KCNQ1OT1: variants seen among roughly 807,000 people sequenced by gnomAD.
The protein encoded by KCNQ1OT1 is KCNQ1 opposite strand/antisense transcript 1, also known as KCNQ1 antisense RNA 2 (non-protein coding).
chr11:2,656,977 AG>A, exon 1 of KCNQ1OT1: 1 of 398,620 alleles, frequency 2.5e-6, no homozygotes, highest in Non-Finnish European at 4.4e-6. Context: ...TTGATTGAAA[AG>A]TCCATGCTCT....
In KCNQ1OT1 at chr11:2,623,782, T is replaced by C. The variant is rs897412502; in HGVS notation, n.76213A>G. The C allele has an allele frequency of 7.5e-6, 3 of 398,456 alleles. No individual in the cohort carries two copies. The highest frequency in any genetic ancestry group is 6.2e-5 in the African/African-American group (3 of 48,634). 24.7% of individuals were successfully genotyped at this position (398,456 alleles called of 1,614,324 possible). ...TAAGTCTTCACCTCCTTTGAGTAAA[T>C]ACCAAGGATGTGATTGCTGAACTGC... On this transcript the variant is annotated non_coding_transcript_exon_variant, in exon 1 of 1. Coordinates refer to ENST00000597346, the Ensembl canonical transcript of KCNQ1OT1. This position sits in a 1 kb window ranked among gnomAD's most constrained non-coding sequence, Gnocchi z 5.2.
chr11:2,648,975 CTTTT>C lies in KCNQ1OT1; in HGVS notation n.51016_51019del, dbSNP rs1849710100. On this transcript the variant is annotated non_coding_transcript_exon_variant, in exon 1 of 1. Coordinates refer to ENST00000597346, the Ensembl canonical transcript of KCNQ1OT1. ...TAATGACCTCCTTTGTCTCTTTTTT[CTTTT>C]TCTTTTTTTTTTTTTTTTTTTTTTT... The C allele has an allele frequency of 1.0e-4, 34 of 337,226 alleles. No individual in the cohort carries two copies. The South Asian group carries it at 4.3e-3, about 42-fold the overall frequency. The allele number at this position is 337,226 out of a possible 1,614,324, so 20.9% of individuals were successfully genotyped here.
chr11:2,620,989 G>A lies in KCNQ1OT1; in HGVS notation n.79006C>T. 2.6e-6 allele frequency: 1 copy of A among 387,076 alleles called. No individual in the cohort carries two copies. The highest frequency in any genetic ancestry group is 1.4e-4 in the South Asian group (1 of 6,904). The allele number at this position is 387,076 out of a possible 1,614,324, so 24.0% of individuals were successfully genotyped here. On this transcript the variant is annotated non_coding_transcript_exon_variant, in exon 1 of 1. Transcript: ENST00000597346. This position sits in a 1 kb window ranked among gnomAD's most constrained non-coding sequence, Gnocchi z 4.5. ...TTTTTGCTTTTTTGTTTGTTTGTTT[G>A]TTTTTTGAGAAAGAGTCTTGCTCTG...
chr11:2,635,708 A>G (rs2133822108), exon 1 of KCNQ1OT1: 1 of 152,240 alleles, frequency 6.6e-6, no homozygotes, highest in African/African-American at 2.4e-5. Flanking sequence ...GTTTTTTTCC[A>G]ATTCTGTGAA....
At position 2,658,856 on chromosome 11, in the gene KCNQ1OT1, A is replaced by G. The variant is rs1186800553; in HGVS notation, n.41139T>C. 2.5e-6 allele frequency: 1 copy of G among 398,296 alleles called. No homozygotes were observed. Among genetic ancestry groups the G allele is most frequent in the Admixed American group, 4.4e-5 (1 of 22,694 alleles). 24.7% of individuals were successfully genotyped at this position (398,296 alleles called of 1,614,324 possible). ...GACAGCTAGAAACCTGGCTCCCATTACCTACAGTTCATTTACTTATTTGTG... is the reference window on the plus strand; with the variant it reads ...GACAGCTAGAAACCTGGCTCCCATTGCCTACAGTTCATTTACTTATTTGTG... On this transcript the variant is annotated non_coding_transcript_exon_variant, in exon 1 of 1. Transcript: ENST00000597346. This position sits in a 1 kb window ranked among gnomAD's most constrained non-coding sequence, Gnocchi z 4.9.
chr11:2,627,300 A>ATGTGTG lies in KCNQ1OT1; in HGVS notation n.72689_72694dup, dbSNP rs1020232788. Reference sequence around the variant, plus strand: ...TTAACATATACCTTACATAGTTGCCATGTGTGTGCGTGTGTGTGGTCAGAA... The same window carrying ATGTGTG: ...TTAACATATACCTTACATAGTTGCCATGTGTGTGTGTGTGCGTGTGTGTGGTCAGAA... On this transcript the variant is annotated non_coding_transcript_exon_variant, in exon 1 of 1. Coordinates refer to ENST00000597346, the Ensembl canonical transcript of KCNQ1OT1. This position sits in a 1 kb window ranked among gnomAD's most constrained non-coding sequence, Gnocchi z 4.9. 1 of 398,404 alleles carries ATGTGTG rather than the reference A, an allele frequency of 2.5e-6. No individual in the cohort carries two copies. The highest frequency in any genetic ancestry group is 4.4e-6 in the Non-Finnish European group (1 of 226,042). The allele number at this position is 398,404 out of a possible 1,614,324, so 24.7% of individuals were successfully genotyped here.
At chr11:2,638,522 T>C (rs539781757) in exon 1 of KCNQ1OT1, 1 of 152,336 alleles carries the variant, frequency 6.6e-6, no homozygotes, top group African/African-American at 2.4e-5. Flanking sequence ...TTCTGGCTTG[T>C]AGAGTTTCTG....
At position 2,642,725 on chromosome 11, in the gene KCNQ1OT1, T is replaced by A; in HGVS notation, n.57270A>T. On this transcript the variant is annotated non_coding_transcript_exon_variant, in exon 1 of 1. Transcript: ENST00000597346. The surrounding 1 kb of genome is among the most constrained non-coding windows in gnomAD (Gnocchi z 4.3). ...TTTTATGTTTAGTATGGTTTGTTCT[T>A]GCTTTTCTGGTTCCTTCAGGTGTAT... is the stretch of plus-strand genomic sequence containing the variant. 2.5e-6 allele frequency: 1 copy of A among 397,906 alleles called. No individual in the cohort carries two copies. The highest frequency in any genetic ancestry group is 4.4e-6 in the Non-Finnish European group (1 of 225,690). 24.6% of individuals were successfully genotyped at this position (397,906 alleles called of 1,614,324 possible). A position where few individuals can be genotyped will look rare whatever the true frequency, so the allele number is the denominator to read the frequency against.
At chr11:2,634,353 G>C (rs1849419674) in exon 1 of KCNQ1OT1, 1 of 265,650 alleles carries the variant, frequency 3.8e-6, no homozygotes, top group African/African-American at 2.4e-5. Flanking sequence ...AACAGGCCCT[G>C]GTGGGTGATG....
In KCNQ1OT1 at chr11:2,687,925, G is replaced by A. The variant is rs1204224811; in HGVS notation, n.12070C>T. ...ATGGAAAATCCCCAGCAGTTGTGAG[G>A]CTGCACTTCTCCCACCCGCTGTGGG... is the stretch of plus-strand genomic sequence containing the variant. On this transcript the variant is annotated non_coding_transcript_exon_variant, in exon 1 of 1. Coordinates refer to ENST00000597346, the Ensembl canonical transcript of KCNQ1OT1. This position sits in a 1 kb window ranked among gnomAD's most constrained non-coding sequence, Gnocchi z 5.0. 5.0e-6 allele frequency: 2 copies of A among 398,646 alleles called. No homozygotes were observed. Among genetic ancestry groups the A allele is most frequent in the African/African-American group, 2.1e-5 (1 of 48,642 alleles). The allele number at this position is 398,646 out of a possible 1,614,324, so 24.7% of individuals were successfully genotyped here.
At chr11:2,697,411 A>G (rs1850695977) in exon 1 of KCNQ1OT1, 1 of 398,606 alleles carries the variant, frequency 2.5e-6, no homozygotes, top group Non-Finnish European at 4.4e-6. Flanking sequence ...TATGGCCAGG[A>G]TGACATCCTT....
In KCNQ1OT1 at chr11:2,627,317, T is replaced by C. The variant is rs981221057; in HGVS notation, n.72678A>G. On this transcript the variant is annotated non_coding_transcript_exon_variant, in exon 1 of 1. Transcript: ENST00000597346. This position sits in a 1 kb window ranked among gnomAD's most constrained non-coding sequence, Gnocchi z 4.9. ...TAGTTGCCATGTGTGTGCGTGTGTG[T>C]GGTCAGAATACCTAAGCTATACTCT... 5.3e-5 allele frequency: 21 copies of C among 398,468 alleles called. No homozygotes were observed. Among genetic ancestry groups the C allele is most frequent in the African/African-American group, 3.9e-4 (19 of 48,626 alleles). The allele number at this position is 398,468 out of a possible 1,614,324, so 24.7% of individuals were successfully genotyped here. A position where few individuals can be genotyped will look rare whatever the true frequency, so the allele number is the denominator to read the frequency against.
In KCNQ1OT1 at chr11:2,617,547, G is replaced by T; in HGVS notation, n.82448C>A. ...ATAGGAGCGCAGATATCTTTATGAG[G>T]TGGAGATTTCATTTTCTTTGGGAAT... On this transcript the variant is annotated non_coding_transcript_exon_variant, in exon 1 of 1. Coordinates refer to ENST00000597346, the Ensembl canonical transcript of KCNQ1OT1. The surrounding 1 kb of genome is among the most constrained non-coding windows in gnomAD (Gnocchi z 4.6). 1 of 398,440 alleles carries T rather than the reference G, an allele frequency of 2.5e-6. No individual in the cohort carries two copies. The highest frequency in any genetic ancestry group is 4.4e-6 in the Non-Finnish European group (1 of 225,950). 24.7% of individuals were successfully genotyped at this position (398,440 alleles called of 1,614,324 possible).
At chr11:2,644,674 C>A (rs1040625405) in exon 1 of KCNQ1OT1, 7 of 398,426 alleles carry the variant, frequency 1.8e-5, no homozygotes, top group African/African-American at 1.4e-4. Flanking sequence ...ACAGTAGTTT[C>A]TTCCAATTTT....
At chr11:2,699,763 G>C in exon 1 of KCNQ1OT1, 1 of 364,642 alleles carries the variant, frequency 2.7e-6, no homozygotes, top group Non-Finnish European at 4.7e-6. Context: ...AGAGCGCCGC[G>C]CTGAGGAGCC....
At position 2,626,472 on chromosome 11, in the gene KCNQ1OT1, C is replaced by T. The variant is rs1383985041; in HGVS notation, n.73523G>A. 2 of 398,484 alleles carry T rather than the reference C, an allele frequency of 5.0e-6. No individual in the cohort carries two copies. The highest frequency in any genetic ancestry group is 8.8e-5 in the Admixed American group (2 of 22,712). 24.7% of individuals were successfully genotyped at this position (398,484 alleles called of 1,614,324 possible). A position where few individuals can be genotyped will look rare whatever the true frequency, so the allele number is the denominator to read the frequency against. On this transcript the variant is annotated non_coding_transcript_exon_variant, in exon 1 of 1. Coordinates refer to ENST00000597346, the Ensembl canonical transcript of KCNQ1OT1. This position sits in a 1 kb window ranked among gnomAD's most constrained non-coding sequence, Gnocchi z 4.0. ...GGGCTCTCTATTCAATTCCATTGGTCTCTACATCTTTATGTCAATACCACA... is the reference window on the plus strand; with the variant it reads ...GGGCTCTCTATTCAATTCCATTGGTTTCTACATCTTTATGTCAATACCACA...
exon 1 of KCNQ1OT1, chr11:2,694,553 T>G (rs903111899): frequency 2.5e-5 from 10 of 398,522 alleles, no homozygotes; most frequent in Non-Finnish European, 3.5e-5. Context: ...GCTATTTGCT[T>G]TCTCACTGAG....
In KCNQ1OT1 at chr11:2,620,148, A is replaced by T. The variant is rs755979381; in HGVS notation, n.79847T>A. 2 of 396,830 alleles carry T rather than the reference A, an allele frequency of 5.0e-6. No homozygotes were observed. The highest frequency in any genetic ancestry group is 8.9e-6 in the Non-Finnish European group (2 of 225,616). The allele number at this position is 396,830 out of a possible 1,614,324, so 24.6% of individuals were successfully genotyped here. A position where few individuals can be genotyped will look rare whatever the true frequency, so the allele number is the denominator to read the frequency against. ...GTTCCTGCATTAATTTGCTTAAGAT[A>T]GTGGCCTCTAGCTGCATCCATGTTG... is the stretch of plus-strand genomic sequence containing the variant. On this transcript the variant is annotated non_coding_transcript_exon_variant, in exon 1 of 1. Coordinates refer to ENST00000597346, the Ensembl canonical transcript of KCNQ1OT1. This position sits in a 1 kb window ranked among gnomAD's most constrained non-coding sequence, Gnocchi z 4.5.
At chr11:2,666,079 C>T (rs1389063814) in exon 1 of KCNQ1OT1, 1 of 398,556 alleles carries the variant, frequency 2.5e-6, no homozygotes, top group Non-Finnish European at 4.4e-6. Context: ...GCCCTGCAGC[C>T]TATGGCTCTG....
Sources: gnomAD v4.1 joint callset for allele counts on GRCh38, gnomAD v4.1.1 for gene constraint, Gnocchi (gnomAD v3.1) non-coding constraint, MANE v1.5 for transcripts, NCBI Gene and HGNC (gene_info 2026-07-23, HGNC 2026-07-21) for gene names.